Variants in CCT6B observed in about 807,000 individuals in gnomAD.
CCT6B encodes the protein probable T-complex protein 1 subunit zeta-2.
CCT6B carries 49 observed loss-of-function variants against 61.5 expected under a neutral mutation model. That is an observed-to-expected ratio of 0.80 (90% confidence interval 0.63 to 1.01). The LOEUF is 1.01. CCT6B is among the 50% of genes least tolerant of loss of function. The pLI is 0.00. For synonymous variants in CCT6B, 228 were observed against 214.5 expected (o/e 1.06, Z -0.55); for missense variants, 666 against 634.7 (o/e 1.05, Z -0.53).
At chr17:34,928,636 T>C (rs952007287) in intron 13 of CCT6B, among the ~76,000 whole-genome samples, 2 of 152,214 alleles carry the variant, frequency 1.3e-5, no homozygotes, top group African/African-American at 2.4e-5. Context: ...CTGATTTATA[T>C]TTCAGCAAAA....
chr17:34,940,901 A>G (rs1352576765), intron 7 of CCT6B, among the ~76,000 whole-genome samples: 1 of 152,168 alleles, frequency 6.6e-6, no homozygotes, highest in Admixed American at 6.5e-5. Flanking sequence ...ATAGTGAGCT[A>G]GCAGTGGCAT....
chr17:34,948,776 G>A (rs1473677458), intron 5 of CCT6B, among the ~76,000 whole-genome samples: 4 of 151,060 alleles, frequency 2.6e-5, no homozygotes, highest in African/African-American at 9.7e-5. Flanking sequence ...ATTCTGTTCT[G>A]TAATCACAGC....
intron 8 of CCT6B, among the ~76,000 whole-genome samples, 171 bp downstream of exon 8, chr17:34,940,368 C>T (rs2090148567): frequency 6.6e-6 from 1 of 152,130 alleles, no homozygotes. Context: ...AGGTTAACAA[C>T]CTTGCTTTTT....
Position 34,939,776 on chromosome 17 carries a change from G to C in CCT6B, c.969-63C>G, listed in dbSNP as rs998268762. 27 of 1,020,412 alleles carry C rather than the reference G, an allele frequency of 2.6e-5. No homozygotes were observed. The African/African-American group carries it at 3.2e-4, about 12-fold the overall frequency. The allele number at this position is 1,020,412 out of a possible 1,614,324, so 63.2% of individuals were successfully genotyped here. On this transcript the variant is annotated intron_variant, in intron 8 of 13. Transcript: ENST00000314144. ...AGAACATTAATACTAATTTCTCAGA[G>C]AGAAGATATCTAATGCAGAAGACTG...
At chr17:34,955,243 G>T (rs1181391975) in intron 3 of CCT6B, among the ~76,000 whole-genome samples, 3 of 152,168 alleles carry the variant, frequency 2.0e-5, no homozygotes, top group South Asian at 4.1e-4. Context: ...TGCAATGCAT[G>T]AACTTAGATC....
chr17:34,959,996 A>C (rs1460780186), intron 1 of CCT6B, among the ~76,000 whole-genome samples: 1 of 152,182 alleles, frequency 6.6e-6, no homozygotes, highest in African/African-American at 2.4e-5. Flanking sequence ...TCATTCAGTC[A>C]CTCAACTTAG....
rs754705446 is a variant in CCT6B at position 34,932,350 on chromosome 17, C to T, written c.1347+17G>A. 4 of 1,587,212 alleles carry T rather than the reference C, an allele frequency of 2.5e-6. No individual in the cohort carries two copies. The highest frequency in any genetic ancestry group is 1.9e-5 in the Admixed American group (1 of 53,804). On this transcript the variant is annotated intron_variant, in intron 11 of 13. Coordinates refer to ENST00000314144, the MANE Select transcript of CCT6B (RefSeq NM_006584.4). ...TATGTCTAAGCAGTTGTTATTTGGC[C>T]GAAAGGGTAGTTGTACCTTGGGAAT...
chr17:34,960,986 C>A (rs1041830449), intron 1 of CCT6B, among the ~76,000 whole-genome samples: 8 of 152,218 alleles, frequency 5.3e-5, no homozygotes, highest in African/African-American at 1.9e-4. Flanking sequence ...CAATGAGACA[C>A]TAAATTAACT....
At chr17:34,953,056 G>A (rs2090309752) in intron 4 of CCT6B, among the ~76,000 whole-genome samples, 4 of 151,772 alleles carry the variant, frequency 2.6e-5, no homozygotes, top group Middle Eastern at 3.4e-3. Flanking sequence ...TTTTTTTAAC[G>A]GTAAGGAGAA....
intron 7 of CCT6B, 127 bp from the exon 8 acceptor site, chr17:34,940,748 G>T: frequency 2.4e-6 from 1 of 418,414 alleles, no homozygotes; most frequent in Non-Finnish European, 4.3e-6. Flanking sequence ...GTTTATGTAA[G>T]CTCTATCTAT....
intron 5 of CCT6B, among the ~76,000 whole-genome samples, chr17:34,947,457 C>T (rs1371088570): frequency 1.3e-5 from 2 of 152,142 alleles, no homozygotes; most frequent in African/African-American, 4.8e-5. Context: ...AATTTCTGTA[C>T]AGCAATAATG....
At chr17:34,945,779 T>A (rs2090217098) in intron 5 of CCT6B, among the ~76,000 whole-genome samples, 1 of 152,146 alleles carries the variant, frequency 6.6e-6, no homozygotes, top group Non-Finnish European at 1.5e-5. Flanking sequence ...CAACTAAACA[T>A]GCTGGCTTAA....
Position 34,960,663 on chromosome 17 carries a change from T to C in CCT6B, c.137+594A>G, listed in dbSNP as rs117754733. Among the ~76,000 whole-genome samples, 1,269 of 152,320 alleles carry C rather than the reference T, an allele frequency of 8.3e-3. 7 individuals are homozygous for C. Among genetic ancestry groups the C allele is most frequent in the Middle Eastern group, 0.02 (6 of 294 alleles). The stretch of plus-strand genomic sequence containing the variant: ...GGTACCTAAGTGACTTATTTTACCA[T>C]TAATATTATTTTGTTCATTACTATG... On this transcript the variant is annotated intron_variant, in intron 1 of 13. Coordinates refer to ENST00000314144, the MANE Select transcript of CCT6B (RefSeq NM_006584.4).
rs771448445 is a variant in CCT6B at position 34,942,605 on chromosome 17, T to G, written c.764A>C (p.Glu255Ala). 1.9e-6 allele frequency: 3 copies of G among 1,601,776 alleles called. No homozygotes were observed. Among genetic ancestry groups the G allele is most frequent in the South Asian group, 1.1e-5 (1 of 88,376 alleles). ...TTCAGCTTTTACCAATTTCTCTTTC[T>G]CTTCTGCAGTCTTATAAAAGAAACC... ...NSGFFYKTAE[E>A]KEKLVKAERK... The change falls in exon 7 of 14, where the codon GAG becomes GCG. Residue 255 changes from glutamate to alanine, a missense_variant. Physicochemically the swap from Glu to Ala is moderately radical, Grantham distance 107. Coordinates refer to ENST00000314144, the MANE Select transcript of CCT6B (RefSeq NM_006584.4).
At chr17:34,941,310 TA>T (rs1239630161) in intron 7 of CCT6B, among the ~76,000 whole-genome samples, 5 of 152,208 alleles carry the variant, frequency 3.3e-5, no homozygotes, top group African/African-American at 1.2e-4. Context: ...TTCACTGAGT[TA>T]GGCAAAGTTT....
intron 8 of CCT6B, among the ~76,000 whole-genome samples, chr17:34,939,917 T>C (rs2090141480): frequency 6.6e-6 from 1 of 152,188 alleles, no homozygotes. Context: ...AATGGCTAAA[T>C]TGAGCTAATT....
chr17:34,943,619 TG>T (rs2090191679), intron 5 of CCT6B: 1 of 150,666 alleles, frequency 6.6e-6, no homozygotes, highest in Admixed American at 6.6e-5. Context: ...TGTTGTGGGG[TG>T]GGGGAAGCGG....
At position 34,943,086 on chromosome 17, in the gene CCT6B, T is replaced by C. The variant is rs2090184742; in HGVS notation, c.615-180A>G. 7 of 496,798 alleles carry C rather than the reference T, an allele frequency of 1.4e-5. No homozygotes were observed. In the South Asian group the frequency reaches 1.8e-4, roughly 13 times the overall value. The allele number at this position is 496,798 out of a possible 1,614,324, so 30.8% of individuals were successfully genotyped here. The stretch of plus-strand genomic sequence containing the variant: ...TTCAGAGATGGGGGTCTTGCTATGA[T>C]GTCCAGGCTGGCCACGAACTCCTGG... On this transcript the variant is annotated intron_variant, in intron 5 of 13. Transcript: ENST00000314144.
intron 3 of CCT6B, among the ~76,000 whole-genome samples, chr17:34,958,317 G>A (rs1043911057): frequency 6.6e-6 from 1 of 152,150 alleles, no homozygotes; most frequent in Non-Finnish European, 1.5e-5. Flanking sequence ...GATGGCGCAT[G>A]CCTGTAATCC....
Sources: gnomAD v4.1 joint callset for allele counts (sites outside exome capture counted in the v4.1 genomes callset) on GRCh38, gnomAD v4.1.1 for gene constraint, MANE v1.5 for transcripts, NCBI Gene and HGNC (gene_info 2026-07-23, HGNC 2026-07-21) for gene names.